ZRANB3: variants seen among roughly 807,000 people sequenced by gnomAD.
ZRANB3 encodes the protein zinc finger RANBP2-type containing 3.
Under a neutral mutation model 133.8 loss-of-function variants are expected in ZRANB3, and 125 were observed. The ratio of observed to expected loss-of-function variants is 0.93; its 90% CI spans 0.81 to 1.08. The LOEUF is 1.08. Ranked by LOEUF, ZRANB3 falls within the 50% of genes least tolerant of loss-of-function variation. ZRANB3 has a pLI of 0.00. For missense variants in ZRANB3, 1,229 were observed against 1,275.5 expected, an observed-to-expected ratio of 0.96 and a Z score of 0.56; for synonymous variants, 387 against 432.7, an observed-to-expected ratio of 0.89 and a Z score of 1.31.
At chr2:135,281,352 T>C (rs1294103015) in intron 8 of ZRANB3, among the ~76,000 whole-genome samples, 3 of 152,036 alleles carry the variant, frequency 2.0e-5, no homozygotes, top group African/African-American at 7.2e-5. Context: ...TTAAGCTCTT[T>C]TTTTTTTTAA....
chr2:135,359,399 C>G (rs1458879486), intron 3 of ZRANB3, among the ~76,000 whole-genome samples: 2 of 151,832 alleles, frequency 1.3e-5, no homozygotes, highest in Non-Finnish European at 2.9e-5. Context: ...GTTTGGGCAA[C>G]AGAGAGAGAC....
chr2:135,386,540 C>A (rs1396945157), intron 3 of ZRANB3, among the ~76,000 whole-genome samples: 1 of 152,158 alleles, frequency 6.6e-6, no homozygotes, highest in Non-Finnish European at 1.5e-5. Context: ...GACACATGCA[C>A]ACATATGTTT....
chr2:135,381,294 G>C (rs1011906561), intron 3 of ZRANB3, among the ~76,000 whole-genome samples: 6 of 152,236 alleles, frequency 3.9e-5, no homozygotes, highest in African/African-American at 1.2e-4. Context: ...ACAGCAGCAA[G>C]GCTGGGGGAG....
intron 2 of ZRANB3, among the ~76,000 whole-genome samples, chr2:135,417,604 T>C (rs1688646773): frequency 6.6e-6 from 1 of 152,198 alleles, no homozygotes; most frequent in Non-Finnish European, 1.5e-5. Flanking sequence ...AGCCATCCCA[T>C]TACTGGGCAT....
chr2:135,434,876 C>T (rs959623088), intron 2 of ZRANB3, among the ~76,000 whole-genome samples: 43 of 151,576 alleles, frequency 2.8e-4, no homozygotes, highest in African/African-American at 9.2e-4. Context: ...TTTTCTTTGG[C>T]GAAAGATCCT....
chr2:135,368,989 G>C (rs1425608957), intron 3 of ZRANB3, among the ~76,000 whole-genome samples: 1 of 151,822 alleles, frequency 6.6e-6, no homozygotes, highest in African/African-American at 2.4e-5. Context: ...ATTTCATTTT[G>C]CCTGTAAACT....
At chr2:135,243,621 C>CT (rs57788474) in intron 12 of ZRANB3, among the ~76,000 whole-genome samples, 40,142 of 151,580 alleles carry the variant, frequency 0.26, 8,818 homozygotes, top group African/African-American at 0.59. Flanking sequence ...CTTAAAAAAA[C>CT]TTTTTTTTTC....
intron 6 of ZRANB3, among the ~76,000 whole-genome samples, chr2:135,337,758 T>G (rs1186058671): frequency 2.6e-5 from 4 of 152,216 alleles, no homozygotes; most frequent in Admixed American, 2.6e-4. Context: ...TATATTAAAT[T>G]AAAATTCTTA....
At chr2:135,389,026 C>T (rs1302918809) in intron 3 of ZRANB3, among the ~76,000 whole-genome samples, 2 of 152,094 alleles carry the variant, frequency 1.3e-5, no homozygotes, top group Non-Finnish European at 2.9e-5. Flanking sequence ...TGCAGTGAGT[C>T]GAGATCGTGC....
At position 135,461,463 on chromosome 2, in the gene ZRANB3, T is replaced by C. The variant is rs568881301; in HGVS notation, c.161+42866A>G. Among the ~76,000 whole-genome samples, 13 of 152,206 alleles carry C rather than the reference T, an allele frequency of 8.5e-5. No individual in the cohort carries two copies. The East Asian group carries it at 2.1e-3, about 25-fold the overall frequency. ...ATGCATGCCTGTAATCCTAGCTATT[T>C]GGGAGGCTGAGGCAGGACAATTGCT... On this transcript the variant is annotated intron_variant, in intron 2 of 20. Transcript: ENST00000264159.
At chr2:135,482,045 C>A (rs1336170532) in intron 2 of ZRANB3, among the ~76,000 whole-genome samples, 81 of 136,686 alleles carry the variant, frequency 5.9e-4, no homozygotes, top group African/African-American at 1.7e-3. Flanking sequence ...GAAGTCAGGT[C>A]GTGTGATGCC....
intron 8 of ZRANB3, among the ~76,000 whole-genome samples, chr2:135,298,936 T>C (rs1408258967): frequency 6.6e-6 from 1 of 152,132 alleles, no homozygotes; most frequent in Non-Finnish European, 1.5e-5. Flanking sequence ...TGGCTTGAGT[T>C]GGCTGGCCTC....
At chr2:135,525,593 A>G (rs1052099392) in intron 1 of ZRANB3, among the ~76,000 whole-genome samples, 3 of 152,248 alleles carry the variant, frequency 2.0e-5, no homozygotes, top group African/African-American at 7.2e-5. Flanking sequence ...CACGCCTGTA[A>G]TCCCAGCACT....
intron 2 of ZRANB3, among the ~76,000 whole-genome samples, chr2:135,435,528 C>T (rs1438320299): frequency 1.3e-5 from 2 of 152,160 alleles, no homozygotes; most frequent in Non-Finnish European, 2.9e-5. Flanking sequence ...ATTGCTAAGT[C>T]GAATGATAGT....
intron 13 of ZRANB3, among the ~76,000 whole-genome samples, chr2:135,228,796 T>G (rs529580869): frequency 2.4e-4 from 36 of 152,246 alleles, no homozygotes; most frequent in African/African-American, 6.7e-4. Context: ...ATATTTTTTA[T>G]ATATAGTAAT....
chr2:135,430,124 C>T (rs1689254119), intron 2 of ZRANB3, among the ~76,000 whole-genome samples: 1 of 151,806 alleles, frequency 6.6e-6, no homozygotes, highest in Admixed American at 6.6e-5. Flanking sequence ...TGCACTGAGC[C>T]ACGATCACAC....
intron 3 of ZRANB3, among the ~76,000 whole-genome samples, chr2:135,390,161 G>C (rs1230817499): frequency 6.6e-6 from 1 of 152,060 alleles, no homozygotes; most frequent in East Asian, 1.9e-4. Flanking sequence ...TTACAGGCGT[G>C]AGCCACTGCG....
intron 3 of ZRANB3, among the ~76,000 whole-genome samples, chr2:135,380,202 A>C (rs13010504): frequency 2.6e-5 from 4 of 152,220 alleles, no homozygotes; most frequent in African/African-American, 9.6e-5. Flanking sequence ...GACTCCCACA[A>C]AATAATAATG....
chr2:135,449,982 T>C (rs1690193696), intron 2 of ZRANB3, among the ~76,000 whole-genome samples: 1 of 152,162 alleles, frequency 6.6e-6, no homozygotes, highest in African/African-American at 2.4e-5. Context: ...GGTCTCAAAC[T>C]CCTGGGCTCT....
Sources: allele counts gnomAD v4.1 joint callset (sites outside exome capture counted in the v4.1 genomes callset), GRCh38; gene constraint gnomAD v4.1.1; transcripts MANE v1.5; gene names NCBI Gene and HGNC (gene_info 2026-07-23, HGNC 2026-07-21).